The following DLGAP2 variants were observed in gnomAD, a reference collection of about 807,000 sequenced individuals.
The protein encoded by DLGAP2 is disks large-associated protein 2.
Under a neutral mutation model 100.3 loss-of-function variants are expected in DLGAP2, and 26 were observed. That is an observed-to-expected ratio of 0.26 (90% CI 0.19 to 0.36). The LOEUF is 0.36. Among genes scored for constraint, DLGAP2 ranks in the 10% least tolerant of loss-of-function variants. DLGAP2 has a pLI of 1.00. For synonymous variants in DLGAP2, 886 were observed against 630.1 expected (o/e 1.41, Z -6.08); for missense variants, 1,858 against 1,453.2 (o/e 1.28, Z -4.53).
intron 2 of DLGAP2, among the ~76,000 whole-genome samples, chr8:918,780 G>T (rs553647034): frequency 4.6e-4 from 70 of 152,286 alleles, no homozygotes; most frequent in Non-Finnish European, 9.3e-4. Flanking sequence ...ACATATACGG[G>T]TAAGACAAAC....
intron 1 of DLGAP2, among the ~76,000 whole-genome samples, chr8:900,042 T>C (rs1412863359): frequency 1.3e-5 from 2 of 152,264 alleles, no homozygotes; most frequent in Non-Finnish European, 2.9e-5. Context: ...TGTTTGGAAA[T>C]AACTTCACAT....
chr8:1,699,709 G>C (rs755303662), intron 14 of DLGAP2, among the ~76,000 whole-genome samples: 1 of 152,148 alleles, frequency 6.6e-6, no homozygotes, highest in Non-Finnish European at 1.5e-5. Context: ...CAGAGGCTCC[G>C]TGCCTGAACA....
intron 1 of DLGAP2, among the ~76,000 whole-genome samples, chr8:843,346 G>A (rs1222265890): frequency 6.6e-6 from 1 of 152,232 alleles, no homozygotes; most frequent in East Asian, 1.9e-4. Flanking sequence ...CAGGGTGAGA[G>A]CCTTTCCTGG....
chr8:1,344,176 G>GTCGTAAGTCCGTGTACTGGGGGCC (rs1801499360), intron 3 of DLGAP2, among the ~76,000 whole-genome samples: 1 of 31,380 alleles, frequency 3.2e-5, no homozygotes, highest in Non-Finnish European at 6.4e-5. Flanking sequence ...TACTCGGGGC[G>GTCGTAAGTCCGTGTACTGGGGGCC]CTGTCGTGGG....
chr8:820,463 A>G (rs1796563161), intron 1 of DLGAP2, among the ~76,000 whole-genome samples: 1 of 152,238 alleles, frequency 6.6e-6, no homozygotes, highest in Admixed American at 6.5e-5. Flanking sequence ...CATCCGGCAT[A>G]TGTAAAGAGT....
At chr8:1,310,814 C>A (rs1036993356) in intron 3 of DLGAP2, among the ~76,000 whole-genome samples, 4 of 152,142 alleles carry the variant, frequency 2.6e-5, no homozygotes, top group African/African-American at 9.7e-5. Flanking sequence ...CCCACCACCA[C>A]ACCCAGCTAA....
chr8:1,668,315 T>C lies in DLGAP2; in HGVS notation c.1811-14T>C, dbSNP rs369584884. The C allele has an allele frequency of 1.9e-5, 28 of 1,468,722 alleles. No individual in the cohort carries two copies. In the Admixed American group the frequency reaches 2.9e-4, roughly 15 times the overall value. 91.0% of individuals were successfully genotyped at this position (1,468,722 alleles called of 1,614,324 possible). On this transcript the variant is annotated splice_polypyrimidine_tract_variant and intron_variant, in intron 8 of 14. Transcript: ENST00000637795. ...AGAACACGCCTGTTGACTTGGGACTTTCTTTTCTTACAGCTGTCTCATATA... is the reference window on the plus strand; with the variant it reads ...AGAACACGCCTGTTGACTTGGGACTCTCTTTTCTTACAGCTGTCTCATATA...
chr8:1,000,686 G>T (rs1800929903), intron 2 of DLGAP2, among the ~76,000 whole-genome samples: 1 of 152,160 alleles, frequency 6.6e-6, no homozygotes, highest in Non-Finnish European at 1.5e-5. Flanking sequence ...TGTTTGCTTT[G>T]ATGTGGATAA....
At chr8:1,209,025 T>A (rs1412510836) in intron 2 of DLGAP2, among the ~76,000 whole-genome samples, 1 of 152,098 alleles carries the variant, frequency 6.6e-6, no homozygotes, top group Non-Finnish European at 1.5e-5. Flanking sequence ...TGGTAACACA[T>A]CTCATGCTCA....
At chr8:1,360,114 C>G (rs1170722536) in intron 3 of DLGAP2, among the ~76,000 whole-genome samples, 1 of 151,520 alleles carries the variant, frequency 6.6e-6, no homozygotes. Context: ...CGGAGGAGAG[C>G]GGGTTGCAGG....
Position 1,042,894 on chromosome 8 carries a change from A to G in DLGAP2, c.73+134928A>G, listed in dbSNP as rs1483669197. 7.0e-3 allele frequency among the ~76,000 whole-genome samples: 112 copies of G among 16,104 alleles called. 3 individuals are homozygous for G. The highest frequency in any genetic ancestry group is 0.044 in the Admixed American group (53 of 1,192). 10.6% of individuals were successfully genotyped at this position (16,104 alleles called of 152,430 possible). On this transcript the variant is annotated intron_variant, in intron 2 of 14. Coordinates refer to ENST00000637795, the MANE Select transcript of DLGAP2 (RefSeq NM_001346810.2). ...TGTGGGTGGTGGGTGTGGGTGATGG[A>G]TGTGGGTGGTGGGTGTGGGTGGTGG...
intron 12 of DLGAP2, among the ~76,000 whole-genome samples, chr8:1,689,370 C>G (rs755043499): frequency 6.6e-6 from 1 of 152,210 alleles, no homozygotes; most frequent in African/African-American, 2.4e-5. Context: ...GGCAAAACCT[C>G]CAGCACATCG....
At chr8:1,289,277 C>T (rs974370398) in intron 3 of DLGAP2, among the ~76,000 whole-genome samples, 3 of 152,192 alleles carry the variant, frequency 2.0e-5, no homozygotes, top group Non-Finnish European at 2.9e-5. Flanking sequence ...ATTGCTAATA[C>T]ATAGAGACAG....
chr8:1,442,421 G>C (rs1797861556), intron 3 of DLGAP2, among the ~76,000 whole-genome samples: 1 of 150,632 alleles, frequency 6.6e-6, no homozygotes, highest in Non-Finnish European at 1.5e-5. Context: ...CCAGGCTGCT[G>C]TGGGTTCAGC....
intron 5 of DLGAP2, among the ~76,000 whole-genome samples, chr8:1,557,253 G>C (rs1220233652): frequency 3.3e-5 from 5 of 152,166 alleles, no homozygotes; most frequent in East Asian, 1.9e-4. Context: ...CAAGACAGAC[G>C]CGTGGAACCT....
chr8:1,569,275 G>C (rs533219764), intron 6 of DLGAP2, among the ~76,000 whole-genome samples: 7 of 152,384 alleles, frequency 4.6e-5, no homozygotes, highest in African/African-American at 1.7e-4. Flanking sequence ...TCACTCCATT[G>C]ATGAGTCCAA....
chr8:990,099 G>C (rs1247414398), intron 2 of DLGAP2, among the ~76,000 whole-genome samples: 1 of 152,008 alleles, frequency 6.6e-6, no homozygotes, highest in Non-Finnish European at 1.5e-5. Context: ...GGTCATCTAC[G>C]ACTTCAGTGC....
intron 1 of DLGAP2, among the ~76,000 whole-genome samples, chr8:784,957 C>G (rs1390077791): frequency 6.6e-6 from 1 of 151,710 alleles, no homozygotes; most frequent in African/African-American, 2.4e-5. Context: ...CCTGTAATCC[C>G]AGCACTTTGG....
chr8:928,731 G>A (rs1798874415), intron 2 of DLGAP2, among the ~76,000 whole-genome samples: 1 of 152,062 alleles, frequency 6.6e-6, no homozygotes, highest in Admixed American at 6.5e-5. Flanking sequence ...GAAATAGGTG[G>A]GAATCGCTGC....
Sources: gnomAD v4.1 joint callset for allele counts (sites outside exome capture counted in the v4.1 genomes callset) on GRCh38, gnomAD v4.1.1 for gene constraint, MANE v1.5 for transcripts, NCBI Gene and HGNC (gene_info 2026-07-23, HGNC 2026-07-21) for gene names.